Variants in HS6ST3 observed in about 807,000 individuals in gnomAD.
The protein encoded by HS6ST3 is heparan-sulfate 6-O-sulfotransferase 3.
A neutral mutation model predicts 36.7 loss-of-function variants in HS6ST3; 12 were observed. The ratio of observed to expected loss-of-function variants is 0.33; its 90% CI spans 0.21 to 0.53. HS6ST3 has a LOEUF of 0.53. Among genes scored for constraint, HS6ST3 ranks in the 20% least tolerant of loss-of-function variants. The pLI, the probability that HS6ST3 is intolerant of heterozygous loss-of-function variation, is 0.95. For missense variants in HS6ST3, 584 were observed against 640.9 expected, an observed-to-expected ratio of 0.91 and a Z score of 0.96; for synonymous variants, 240 against 257.5, an observed-to-expected ratio of 0.93 and a Z score of 0.65.
chr13:96,783,747 TTAGA>T (rs1278933427), intron 1 of HS6ST3, among the ~76,000 whole-genome samples: 1 of 152,026 alleles, frequency 6.6e-6, no homozygotes, highest in Non-Finnish European at 1.5e-5. Flanking sequence ...ATGAGGACTC[TTAGA>T]TAGGAAGATA....
rs572614913 is a variant in HS6ST3, at chr13:96,699,994, G to A, written c.708-132496G>A. On this transcript the variant is annotated intron_variant, in intron 1 of 1. Transcript: ENST00000376705. The stretch of plus-strand genomic sequence containing the variant: ...TTCTACTGAGTGATGAACTGAGATT[G>A]TATTAGCCTTCTTGGTGACAATAGC... Among the ~76,000 whole-genome samples the A allele has an allele frequency of 1.6e-4, 25 of 152,274 alleles. 1 individual carries two copies. In the South Asian group the frequency reaches 5.0e-3, roughly 30 times the overall value.
At chr13:96,416,692 A>C (rs1056766524) in intron 1 of HS6ST3, among the ~76,000 whole-genome samples, 1 of 149,266 alleles carries the variant, frequency 6.7e-6, no homozygotes, top group Non-Finnish European at 1.5e-5. Context: ...CTCTTTCACC[A>C]ATTTCCACTG....
intron 1 of HS6ST3, among the ~76,000 whole-genome samples, chr13:96,334,035 T>C (rs976322): frequency 0.49 from 73,806 of 152,004 alleles, 18,463 homozygotes; most frequent in African/African-American, 0.6. Context: ...GTGGGTACAC[T>C]GTGGCCCAGA....
intron 1 of HS6ST3, among the ~76,000 whole-genome samples, chr13:96,544,133 C>T (rs1046151471): frequency 2.0e-5 from 3 of 152,060 alleles, no homozygotes; most frequent in South Asian, 2.1e-4. Flanking sequence ...GAACCAGGGA[C>T]GATATATTCT....
chr13:96,220,131 G>T (rs2054448246), intron 1 of HS6ST3, among the ~76,000 whole-genome samples: 1 of 152,138 alleles, frequency 6.6e-6, no homozygotes, highest in African/African-American at 2.4e-5. Context: ...TTTTGTCTGG[G>T]AGCACATTCC....
chr13:96,698,245 T>TC (rs1469492342), intron 1 of HS6ST3, among the ~76,000 whole-genome samples: 1 of 152,098 alleles, frequency 6.6e-6, no homozygotes, highest in East Asian at 1.9e-4. Context: ...CCTTCCTGTG[T>TC]CCATGTGTTC....
At chr13:96,552,190 G>C (rs1401260037) in intron 1 of HS6ST3, among the ~76,000 whole-genome samples, 4 of 152,182 alleles carry the variant, frequency 2.6e-5, no homozygotes, top group African/African-American at 9.7e-5. Flanking sequence ...ACCTATTACA[G>C]AAGTACAGAG....
intron 1 of HS6ST3, among the ~76,000 whole-genome samples, chr13:96,629,453 T>G (rs2056524320): frequency 6.6e-6 from 1 of 152,176 alleles, no homozygotes; most frequent in Admixed American, 6.5e-5. Flanking sequence ...CACTCATAGA[T>G]TTGCTTTTCT....
intron 1 of HS6ST3, among the ~76,000 whole-genome samples, chr13:96,303,937 G>A (rs554635172): frequency 1.3e-5 from 2 of 152,220 alleles, no homozygotes; most frequent in African/African-American, 4.8e-5. Flanking sequence ...GAGGTCAGGA[G>A]TTCGAGACCA....
intron 1 of HS6ST3, among the ~76,000 whole-genome samples, chr13:96,268,531 T>C (rs9805419): frequency 6.6e-6 from 1 of 151,872 alleles, no homozygotes; most frequent in African/African-American, 2.4e-5. Flanking sequence ...CAGTTCAAGA[T>C]GAGATTTGGG....
At chr13:96,603,609 G>A (rs1180731078) in intron 1 of HS6ST3, among the ~76,000 whole-genome samples, 3 of 152,162 alleles carry the variant, frequency 2.0e-5, no homozygotes, top group South Asian at 2.1e-4. Flanking sequence ...TAGGGTATGT[G>A]TATGTTTAGT....
intron 1 of HS6ST3, among the ~76,000 whole-genome samples, chr13:96,709,998 A>G (rs1352878246): frequency 6.6e-6 from 1 of 152,172 alleles, no homozygotes; most frequent in African/African-American, 2.4e-5. Flanking sequence ...CCGTATTTGA[A>G]TCTGCATCCT....
intron 1 of HS6ST3, among the ~76,000 whole-genome samples, chr13:96,514,354 GT>G (rs2056063367): frequency 6.6e-6 from 1 of 152,162 alleles, no homozygotes; most frequent in Non-Finnish European, 1.5e-5. Context: ...CAATTTCAAG[GT>G]TTTTCTCGCT....
chr13:96,536,052 G>A (rs1301345000), intron 1 of HS6ST3, among the ~76,000 whole-genome samples: 1 of 152,126 alleles, frequency 6.6e-6, no homozygotes, highest in Non-Finnish European at 1.5e-5. Context: ...CAATAATCAA[G>A]CACATTTTAA....
At chr13:96,127,686 C>A (rs2053958399) in intron 1 of HS6ST3, among the ~76,000 whole-genome samples, 1 of 152,182 alleles carries the variant, frequency 6.6e-6, no homozygotes, top group African/African-American at 2.4e-5. Context: ...TCTCTTTTAT[C>A]CTACCAATGC....
intron 1 of HS6ST3, among the ~76,000 whole-genome samples, chr13:96,598,598 G>A (rs1232694664): frequency 6.6e-6 from 1 of 151,974 alleles, no homozygotes; most frequent in Non-Finnish European, 1.5e-5. Flanking sequence ...GTTTTTCTAG[G>A]TATAAGGTCA....
chr13:96,729,208 A>C (rs1876081430), intron 1 of HS6ST3, among the ~76,000 whole-genome samples: 1 of 152,122 alleles, frequency 6.6e-6, no homozygotes, highest in Admixed American at 6.5e-5. Flanking sequence ...TAGGGTATTA[A>C]ATAGAACGGC....
rs939927532 is a variant in HS6ST3 at position 96,750,663 on chromosome 13, C to T, written c.708-81827C>T. On this transcript the variant is annotated intron_variant, in intron 1 of 1. Transcript: ENST00000376705. ...CTTAGACTCATATATAAGTCTGACC[C>T]CTATGCCTTCTGTTGAGGGGAAACA... Among the ~76,000 whole-genome samples, 3 of 152,046 alleles carry T rather than the reference C, an allele frequency of 2.0e-5. No homozygotes were observed. The East Asian group carries it at 5.8e-4, about 29-fold the overall frequency.
chr13:96,193,677 G>A (rs753199163), intron 1 of HS6ST3, among the ~76,000 whole-genome samples: 1 of 152,162 alleles, frequency 6.6e-6, no homozygotes, highest in Admixed American at 6.5e-5. Flanking sequence ...AAAAGAAAGC[G>A]AGAGGTAGGC....
Sources: allele counts gnomAD v4.1 joint callset (sites outside exome capture counted in the v4.1 genomes callset), GRCh38; gene constraint gnomAD v4.1.1; transcripts MANE v1.5; gene names NCBI Gene and HGNC (gene_info 2026-07-23, HGNC 2026-07-21).